Variants in REL observed in about 807,000 individuals in gnomAD.
REL encodes the protein REL proto-oncogene, NF-kB subunit, also known as proto-oncogene c-Rel.
Under a neutral mutation model 45.9 loss-of-function variants are expected in REL, and 15 were observed. The ratio of observed to expected loss-of-function variants is 0.33; its 90% CI spans 0.22 to 0.50. The LOEUF is 0.50. Among genes scored for constraint, REL ranks in the 20% least tolerant of loss-of-function variants. REL has a pLI of 0.98. For synonymous variants in REL, 239 were observed against 242.1 expected, an observed-to-expected ratio of 0.99 and a Z score of 0.12; for missense variants, 601 against 715.2, an observed-to-expected ratio of 0.84 and a Z score of 1.82.
chr2:60,902,350 C>A (rs1193950490), intron 4 of REL, among the ~76,000 whole-genome samples: 1 of 151,990 alleles, frequency 6.6e-6, no homozygotes, highest in African/African-American at 2.4e-5. Context: ...TCCAGTCTTA[C>A]CAGGGGAGAC....
chr2:60,912,098 A>G (rs1470948248), intron 4 of REL, among the ~76,000 whole-genome samples: 1 of 152,086 alleles, frequency 6.6e-6, no homozygotes, highest in East Asian at 1.9e-4. Context: ...AACAGAATAT[A>G]GAAAAAGAAC....
intron 3 of REL, chr2:60,899,218 G>A (rs909090311): frequency 4.6e-5 from 7 of 152,234 alleles, no homozygotes; most frequent in African/African-American, 1.4e-4. Context: ...AAGCATAGTG[G>A]CTCATGCCTA....
intron 4 of REL, among the ~76,000 whole-genome samples, chr2:60,913,281 A>T (rs182688303): frequency 0.028 from 4,275 of 151,958 alleles, 189 homozygotes; most frequent in African/African-American, 0.092. Context: ...TTAAAAAAAA[A>T]TTTTTTATTT....
chr2:60,902,149 T>C (rs1198668903), intron 4 of REL, among the ~76,000 whole-genome samples: 1 of 152,208 alleles, frequency 6.6e-6, no homozygotes, highest in East Asian at 1.9e-4. Context: ...TGGTCATATT[T>C]GAGACATCCT....
In REL at chr2:60,926,588, A is replaced by C. The variant is rs1190892973; in HGVS notation, c.*4053A>C. On this transcript the variant is annotated 3_prime_UTR_variant, in exon 10 of 10. Transcript: ENST00000394479. ...CCCTCAGTTGGTGCTATTTCCCCCTACCCGCCCTCCGATGATCTTATCAGA... is the reference window on the plus strand; with the variant it reads ...CCCTCAGTTGGTGCTATTTCCCCCTCCCCGCCCTCCGATGATCTTATCAGA... 1 of 229,880 alleles carries C rather than the reference A, an allele frequency of 4.4e-6. No individual in the cohort carries two copies. Among genetic ancestry groups the C allele is most frequent in the Admixed American group, 5.7e-5 (1 of 17,532 alleles). The allele number at this position is 229,880 out of a possible 1,614,324, so 14.2% of individuals were successfully genotyped here. A position where few individuals can be genotyped will look rare whatever the true frequency, so the allele number is the denominator to read the frequency against.
intron 1 of REL, among the ~76,000 whole-genome samples, chr2:60,887,368 C>T (rs372930694): frequency 6.6e-6 from 1 of 151,850 alleles, no homozygotes; most frequent in Non-Finnish European, 1.5e-5. Flanking sequence ...TGACTAATCA[C>T]TTATATGATT....
intron 3 of REL, 131 bp downstream of exon 3, chr2:60,894,676 C>A: frequency 1.6e-6 from 1 of 632,124 alleles, no homozygotes; most frequent in Non-Finnish European, 2.5e-6. Context: ...GTATTTTACA[C>A]TTACATTTTT....
chr2:60,913,524 G>A (rs961422385), intron 4 of REL, among the ~76,000 whole-genome samples: 1 of 152,080 alleles, frequency 6.6e-6, no homozygotes, highest in Non-Finnish European at 1.5e-5. Context: ...TACTCCTAGG[G>A]TATAGCTCTT....
intron 4 of REL, among the ~76,000 whole-genome samples, chr2:60,906,821 C>CTG (rs532252906): frequency 7.9e-4 from 117 of 148,252 alleles, no homozygotes; most frequent in African/African-American, 2.2e-3. Flanking sequence ...CCCAAAGTAC[C>CTG]TGTGTGTGTG....
Position 60,881,823 on chromosome 2 carries a change from G to A in REL, c.-18G>A. The A allele has an allele frequency of 1.3e-6, 2 of 1,524,352 alleles. No individual in the cohort carries two copies. Among genetic ancestry groups the A allele is most frequent in the Middle Eastern group, 2.1e-4 (1 of 4,656 alleles). 94.4% of individuals were successfully genotyped at this position (1,524,352 alleles called of 1,614,324 possible). Reference sequence around the variant, plus strand: ...GGACGCTGGGAGCTGCCTGCGGGAAGGTGCGGGGAGCGGAGCCATGGCCTC... The same window carrying A: ...GGACGCTGGGAGCTGCCTGCGGGAAAGTGCGGGGAGCGGAGCCATGGCCTC... On this transcript the variant is annotated 5_prime_UTR_variant, in exon 1 of 10. Coordinates refer to ENST00000394479, the MANE Select transcript of REL (RefSeq NM_001291746.2).
At chr2:60,895,750 C>T (rs142823073) in intron 3 of REL, among the ~76,000 whole-genome samples, 1 of 152,188 alleles carries the variant, frequency 6.6e-6, no homozygotes, top group Non-Finnish European at 1.5e-5. Flanking sequence ...GCCAGCTGTT[C>T]CACTTCTAGG....
intron 8 of REL, 198 bp from the exon 9 acceptor site, chr2:60,920,375 AT>A: frequency 1.6e-6 from 1 of 629,044 alleles, no homozygotes; most frequent in Non-Finnish European, 2.9e-6. Context: ...TAATTTTTGT[AT>A]TTTTAGTAGA....
intron 7 of REL, 112 bp downstream of exon 7, chr2:60,918,718 C>G: frequency 1.3e-6 from 1 of 749,312 alleles, no homozygotes; most frequent in Non-Finnish European, 2.2e-6. Flanking sequence ...ATTTATGTTT[C>G]TTTTCCTGGA....
At position 60,929,976 on chromosome 2, in the gene REL, G is replaced by A. The variant is rs1361936803; in HGVS notation, c.*7441G>A. The A allele has an allele frequency of 6.6e-6, 1 of 151,836 alleles. No individual in the cohort carries two copies. The highest frequency in any genetic ancestry group is 1.5e-5 in the Non-Finnish European group (1 of 67,972). The allele number at this position is 151,836 out of a possible 1,614,324, so 9.4% of individuals were successfully genotyped here. A position where few individuals can be genotyped will look rare whatever the true frequency, so the allele number is the denominator to read the frequency against. On this transcript the variant is annotated 3_prime_UTR_variant, in exon 10 of 10. Transcript: ENST00000394479. ...TGATTACGCCACTGCACTCCAGCCT[G>A]GGCAAGACCCTGTCTCAAAAAAAAA...
intron 4 of REL, among the ~76,000 whole-genome samples, chr2:60,912,414 T>C (rs1023197574): frequency 1.3e-5 from 2 of 152,206 alleles, no homozygotes; most frequent in African/African-American, 2.4e-5. Context: ...TTAACTCTTA[T>C]TAATATTGAT....
intron 7 of REL, 89 bp downstream of exon 7, chr2:60,918,695 A>G: frequency 1.2e-6 from 1 of 855,932 alleles, no homozygotes; most frequent in South Asian, 1.6e-5. Context: ...GAGTACAGTT[A>G]TGTATATTCA....
Position 60,918,282 on chromosome 2 carries a change from C to G in REL, c.627C>G (p.Asp209Glu). ...RGGDEIFLLC[D>E]KVQKDDIEVR... ...GAGATGAAATATTTCTACTTTGTGA[C>G]AAAGTTCAGAAAGGTATTTATTTAT... is the stretch of plus-strand genomic sequence containing the variant. The change falls in exon 6 of 10, where the codon GAC becomes GAG. Residue 209 changes from aspartate to glutamate, a missense_variant. Transcript: ENST00000394479. The G allele has an allele frequency of 1.9e-6, 3 of 1,594,350 alleles. No individual in the cohort carries two copies. The highest frequency in any genetic ancestry group is 2.6e-6 in the Non-Finnish European group (3 of 1,165,226).
intron 7 of REL, among the ~76,000 whole-genome samples, chr2:60,919,067 C>G (rs1227117944): frequency 2.0e-5 from 3 of 152,182 alleles, no homozygotes; most frequent in Non-Finnish European, 4.4e-5. Flanking sequence ...TTCAAAGTAT[C>G]TAAACTGCTT....
At chr2:60,882,638 G>A (rs1276733014) in intron 1 of REL, among the ~76,000 whole-genome samples, 1 of 151,722 alleles carries the variant, frequency 6.6e-6, no homozygotes, top group Non-Finnish European at 1.5e-5. Flanking sequence ...TCGCGCCCCT[G>A]CACTCCAGCC....
Sources: allele counts gnomAD v4.1 joint callset (sites outside exome capture counted in the v4.1 genomes callset), GRCh38; gene constraint gnomAD v4.1.1; transcripts MANE v1.5; gene names NCBI Gene and HGNC (gene_info 2026-07-23, HGNC 2026-07-21).